Variants in GSE1 observed in about 807,000 individuals in gnomAD.
GSE1 encodes the protein genetic suppressor element 1.
Under a neutral mutation model 112.6 loss-of-function variants are expected in GSE1, and 32 were observed. The observed-to-expected ratio is 0.28, with a 90% CI of 0.21 to 0.38. GSE1 has a LOEUF of 0.38. GSE1 is among the 10% of genes least tolerant of loss of function. The pLI is 1.00. For missense variants in GSE1, 2,348 were observed against 1,699.2 expected (o/e 1.38, Z -6.71); for synonymous variants, 1,115 against 735.6 (o/e 1.52, Z -8.35).
intron 2 of GSE1, among the ~76,000 whole-genome samples, chr16:85,641,189 C>T (rs115558346): frequency 6.6e-6 from 1 of 152,268 alleles, no homozygotes; most frequent in Non-Finnish European, 1.5e-5. Flanking sequence ...CTTCCTCGTC[C>T]TAACGTCCCA....
At chr16:85,420,598 C>T (rs569592983) in intron 2 of GSE1, among the ~76,000 whole-genome samples, 7 of 152,282 alleles carry the variant, frequency 4.6e-5, no homozygotes, top group East Asian at 1.9e-4. Context: ...TCCAGTGACG[C>T]GACTCACAAA....
chr16:85,229,589 C>T (rs949625839), intron 1 of GSE1, among the ~76,000 whole-genome samples: 3 of 152,184 alleles, frequency 2.0e-5, no homozygotes, highest in Non-Finnish European at 4.4e-5. Flanking sequence ...ACTGAGGTTC[C>T]GAAACTTGCC....
chr16:85,483,645 A>G (rs751551710), intron 2 of GSE1, among the ~76,000 whole-genome samples: 3 of 152,238 alleles, frequency 2.0e-5, no homozygotes, highest in Non-Finnish European at 4.4e-5. Flanking sequence ...GCGGGCTGAG[A>G]CGGATGGGCC....
At chr16:85,562,624 A>G (rs569873108) in intron 1 of GSE1, among the ~76,000 whole-genome samples, 1 of 152,384 alleles carries the variant, frequency 6.6e-6, no homozygotes, top group African/African-American at 2.4e-5. Context: ...GCTCCTGGAC[A>G]GAGCCGGGAA....
At chr16:85,627,723 G>T (rs74960901) in intron 1 of GSE1, among the ~76,000 whole-genome samples, 5 of 151,990 alleles carry the variant, frequency 3.3e-5, no homozygotes, top group African/African-American at 1.2e-4. Context: ...ACGGTGGAGC[G>T]TATTCCCAGC....
intron 2 of GSE1, among the ~76,000 whole-genome samples, chr16:85,502,886 C>A (rs1304072132): frequency 6.6e-6 from 1 of 152,188 alleles, no homozygotes; most frequent in East Asian, 1.9e-4. Flanking sequence ...AAAAGAGCTG[C>A]CTGTTCCAGG....
intron 2 of GSE1, among the ~76,000 whole-genome samples, chr16:85,546,324 A>G (rs2044699395): frequency 6.6e-6 from 1 of 152,116 alleles, no homozygotes; most frequent in Non-Finnish European, 1.5e-5. Flanking sequence ...GGCCTAAGTG[A>G]TCCACCCGCC....
At chr16:85,624,495 G>C (rs187123620) in intron 1 of GSE1, among the ~76,000 whole-genome samples, 179 of 152,346 alleles carry the variant, frequency 1.2e-3, no homozygotes, top group African/African-American at 4.0e-3. Flanking sequence ...TATAGCACTA[G>C]GGTGGGCACC....
intron 2 of GSE1, among the ~76,000 whole-genome samples, chr16:85,398,921 C>T (rs1229179489): frequency 3.9e-5 from 6 of 152,032 alleles, no homozygotes; most frequent in Non-Finnish European, 5.9e-5. Context: ...TAATGCATGT[C>T]GAGTGTGTAT....
At chr16:85,195,830 A>G (rs567493824) in intron 1 of GSE1, among the ~76,000 whole-genome samples, 32 of 152,274 alleles carry the variant, frequency 2.1e-4, no homozygotes, top group Non-Finnish European at 4.3e-4. Context: ...TTCCATTTAC[A>G]CAGAGTTAAA....
chr16:85,322,503 G>C (rs572602897), intron 1 of GSE1, among the ~76,000 whole-genome samples: 10 of 152,296 alleles, frequency 6.6e-5, no homozygotes, highest in Non-Finnish European at 1.2e-4. Context: ...TGAGCCAACA[G>C]TGGATACTTG....
At chr16:85,512,485 C>T (rs1366030127) in intron 2 of GSE1, among the ~76,000 whole-genome samples, 5 of 152,226 alleles carry the variant, frequency 3.3e-5, no homozygotes, top group Non-Finnish European at 5.9e-5. Context: ...GGGAACCCCA[C>T]GCTTCAAAGT....
intron 1 of GSE1, among the ~76,000 whole-genome samples, chr16:85,326,193 C>A (rs1035721587): frequency 5.3e-5 from 8 of 151,962 alleles, no homozygotes; most frequent in Admixed American, 4.6e-4. Context: ...GATATGGGCT[C>A]ATCACAACCA....
chr16:85,485,186 C>T (rs1043718970), intron 2 of GSE1, among the ~76,000 whole-genome samples: 4 of 152,250 alleles, frequency 2.6e-5, no homozygotes, highest in Non-Finnish European at 4.4e-5. Flanking sequence ...GGAAGTGGAG[C>T]GACAGCCTGT....
chr16:85,502,187 C>T (rs1188108367), intron 2 of GSE1, among the ~76,000 whole-genome samples: 1 of 152,178 alleles, frequency 6.6e-6, no homozygotes, highest in Non-Finnish European at 1.5e-5. Context: ...TTGGGACAGC[C>T]AGGGGGACCA....
intron 1 of GSE1, among the ~76,000 whole-genome samples, chr16:85,245,188 C>A (rs74420591): frequency 0.03 from 4,526 of 152,084 alleles, 101 homozygotes; most frequent in East Asian, 0.14. Context: ...CAAAACAAAA[C>A]ACCCCTGGCT....
chr16:85,401,315 G>T (rs753082556), intron 2 of GSE1, among the ~76,000 whole-genome samples: 58 of 123,274 alleles, frequency 4.7e-4, no homozygotes, highest in Non-Finnish European at 8.1e-4. Context: ...TGGCCAGGAA[G>T]ATTTAGTACT....
intron 1 of GSE1, among the ~76,000 whole-genome samples, chr16:85,566,907 G>A (rs2045773855): frequency 6.6e-6 from 1 of 152,204 alleles, no homozygotes; most frequent in Non-Finnish European, 1.5e-5. Flanking sequence ...GGAAGGGCCG[G>A]CCACTGCATG....
intron 1 of GSE1, among the ~76,000 whole-genome samples, chr16:85,574,428 C>T (rs959685677): frequency 1.3e-5 from 2 of 152,224 alleles, no homozygotes; most frequent in Non-Finnish European, 2.9e-5. Flanking sequence ...CTGCAATCCA[C>T]CTGTCTGCTA....
Sources: gnomAD v4.1 joint callset for allele counts (sites outside exome capture counted in the v4.1 genomes callset) on GRCh38, gnomAD v4.1.1 for gene constraint, MANE v1.5 for transcripts, NCBI Gene and HGNC (gene_info 2026-07-23, HGNC 2026-07-21) for gene names.